Variants in PCCA observed in about 807,000 individuals in gnomAD.
PCCA encodes propionyl-CoA carboxylase subunit alpha, also known as propionyl-CoA carboxylase alpha chain, mitochondrial.
Under a neutral mutation model 101.3 loss-of-function variants are expected in PCCA, and 74 were observed. That is an observed-to-expected ratio of 0.73 (90% confidence interval 0.61 to 0.89). PCCA has a LOEUF of 0.89. Among genes scored for constraint, PCCA ranks in the 40% least tolerant of loss-of-function variants. The pLI, the probability that PCCA is intolerant of heterozygous loss-of-function variation, is 0.00. For missense variants in PCCA, 891 were observed against 907.0 expected, an observed-to-expected ratio of 0.98 and a Z score of 0.23; for synonymous variants, 294 against 313.6, an observed-to-expected ratio of 0.94 and a Z score of 0.66.
chr13:100,529,922 G>A (rs1414878147), intron 23 of PCCA, among the ~76,000 whole-genome samples, 176 bp from the exon 24 acceptor site: 3 of 151,618 alleles, frequency 2.0e-5, no homozygotes, highest in African/African-American at 4.8e-5. Flanking sequence ...CCACCATGGC[G>A]CCTCCCTGTT....
At chr13:100,207,942 C>T (rs768899724) in intron 6 of PCCA, among the ~76,000 whole-genome samples, 15 of 151,966 alleles carry the variant, frequency 9.9e-5, no homozygotes, top group Non-Finnish European at 1.8e-4. Flanking sequence ...CGCTTGAACC[C>T]GGGAGACGGA....
intron 20 of PCCA, among the ~76,000 whole-genome samples, chr13:100,441,702 ATATTT>A (rs565968404): frequency 1.3e-5 from 2 of 152,334 alleles, no homozygotes; most frequent in East Asian, 3.9e-4. Context: ...TTTGCAGAAA[ATATTT>A]TAATAAGCGT....
chr13:100,248,456 C>T (rs900620593), intron 8 of PCCA, among the ~76,000 whole-genome samples: 12 of 152,128 alleles, frequency 7.9e-5, no homozygotes, highest in African/African-American at 2.9e-4. Context: ...TCTTTGGCAA[C>T]ATTTAGTGTT....
At chr13:100,348,727 C>T (rs1023042202) in intron 18 of PCCA, among the ~76,000 whole-genome samples, 3 of 99,508 alleles carry the variant, frequency 3.0e-5, no homozygotes, top group African/African-American at 1.2e-4. Context: ...CGTTTTTTTT[C>T]CTTTCTTTCT....
intron 19 of PCCA, among the ~76,000 whole-genome samples, chr13:100,418,356 T>G (rs1202252918): frequency 6.6e-6 from 1 of 152,184 alleles, no homozygotes; most frequent in African/African-American, 2.4e-5. Flanking sequence ...GCTGTTTCTC[T>G]GATAACTTCT....
At chr13:100,202,275 A>C (rs899288501) in intron 6 of PCCA, among the ~76,000 whole-genome samples, 1 of 151,998 alleles carries the variant, frequency 6.6e-6, no homozygotes, top group East Asian at 1.9e-4. Flanking sequence ...TTGAGGCTGC[A>C]GTGAACTATA....
intron 5 of PCCA, among the ~76,000 whole-genome samples, chr13:100,155,532 G>T (rs1012634781): frequency 6.6e-6 from 1 of 152,062 alleles, no homozygotes; most frequent in Non-Finnish European, 1.5e-5. Flanking sequence ...AGCACATTTG[G>T]TAATTATTTT....
intron 16 of PCCA, among the ~76,000 whole-genome samples, chr13:100,330,041 G>A (rs1184946971): frequency 2.6e-5 from 4 of 152,128 alleles, no homozygotes; most frequent in Non-Finnish European, 4.4e-5. Flanking sequence ...GCCTCATCCG[G>A]CATATTCACC....
intron 16 of PCCA, among the ~76,000 whole-genome samples, chr13:100,312,369 G>A (rs564278878): frequency 3.3e-5 from 5 of 152,248 alleles, no homozygotes; most frequent in Non-Finnish European, 7.4e-5. Context: ...TGTCTCTGTC[G>A]AGAGTACCTC....
At chr13:100,426,562 A>C (rs2079160631) in intron 20 of PCCA, among the ~76,000 whole-genome samples, 1 of 152,148 alleles carries the variant, frequency 6.6e-6, no homozygotes. Flanking sequence ...ATTCTTATCT[A>C]CCTCTATGAG....
intron 8 of PCCA, among the ~76,000 whole-genome samples, chr13:100,253,669 G>A (rs1303486544): frequency 6.6e-6 from 1 of 151,994 alleles, no homozygotes; most frequent in African/African-American, 2.4e-5. Flanking sequence ...ATTTCTTTTC[G>A]GAAGCATTAG....
rs2064703380 is a variant in PCCA at position 100,286,761 on chromosome 13, T to A, written c.1065+13415T>A. On this transcript the variant is annotated intron_variant, in intron 12 of 23. Transcript: ENST00000376285. Reference sequence around the variant, plus strand: ...GGAGGAGAAACCTTTTTTTTTTTTTTAATGTCTTGGCAGGATTAACAAATA... The same window carrying A: ...GGAGGAGAAACCTTTTTTTTTTTTTAAATGTCTTGGCAGGATTAACAAATA... 4.0e-5 allele frequency among the ~76,000 whole-genome samples: 6 copies of A among 151,542 alleles called. No individual in the cohort carries two copies. The South Asian group carries it at 8.3e-4, about 21-fold the overall frequency.
At position 100,449,309 on chromosome 13, in the gene PCCA, A is replaced by AGAAG; in HGVS notation, c.1899+5_1899+6insAAGG. On this transcript the variant is annotated splice_donor_region_variant and intron_variant, in intron 21 of 23. Transcript: ENST00000376285. The stretch of plus-strand genomic sequence containing the variant: ...CATTCAGTTTCTTGGTACAGTGGTA[A>AGAAG]GTATGAAATCATTCTTTATTCTCTT... 6.7e-7 allele frequency: 1 copy of AGAAG among 1,496,358 alleles called. No individual in the cohort carries two copies. Among genetic ancestry groups the AGAAG allele is most frequent in the Non-Finnish European group, 9.1e-7 (1 of 1,097,614 alleles). 92.7% of individuals were successfully genotyped at this position (1,496,358 alleles called of 1,614,324 possible). A position where few individuals can be genotyped will look rare whatever the true frequency, so the allele number is the denominator to read the frequency against.
intron 21 of PCCA, among the ~76,000 whole-genome samples, chr13:100,500,870 G>A (rs1041432578): frequency 2.6e-5 from 4 of 152,232 alleles, no homozygotes; most frequent in Non-Finnish European, 5.9e-5. Flanking sequence ...TTAGCTGGGC[G>A]CAGTGGCTCA....
intron 22 of PCCA, among the ~76,000 whole-genome samples, chr13:100,523,884 GT>G (rs2087502996): frequency 6.6e-6 from 1 of 152,238 alleles, no homozygotes; most frequent in African/African-American, 2.4e-5. Context: ...ATTCACAAAA[GT>G]GTTGGAGAAA....
intron 6 of PCCA, among the ~76,000 whole-genome samples, chr13:100,166,120 G>A (rs1217898772): frequency 6.6e-6 from 1 of 151,878 alleles, no homozygotes. Context: ...TGGCTCTTTC[G>A]GCCACTTCCT....
At chr13:100,172,926 G>A (rs1366087272) in intron 6 of PCCA, among the ~76,000 whole-genome samples, 3 of 152,248 alleles carry the variant, frequency 2.0e-5, no homozygotes, top group Non-Finnish European at 4.4e-5. Flanking sequence ...CATAACTACC[G>A]GACTATGCTA....
chr13:100,433,173 G>T (rs915574573), intron 20 of PCCA, among the ~76,000 whole-genome samples: 2 of 152,200 alleles, frequency 1.3e-5, no homozygotes, highest in African/African-American at 4.8e-5. Context: ...GCTGGATCAC[G>T]TGGTAATTGT....
chr13:100,405,751 C>G (rs1051601238), intron 19 of PCCA, among the ~76,000 whole-genome samples: 6 of 147,978 alleles, frequency 4.1e-5, no homozygotes, highest in Non-Finnish European at 7.4e-5. Context: ...GCTCCTGGAC[C>G]TGTTAGGAAG....
Sources: allele counts gnomAD v4.1 joint callset (sites outside exome capture counted in the v4.1 genomes callset), GRCh38; gene constraint gnomAD v4.1.1; transcripts MANE v1.5; gene names NCBI Gene and HGNC (gene_info 2026-07-23, HGNC 2026-07-21).